PTPRK: variants seen among roughly 807,000 people sequenced by gnomAD.
PTPRK encodes the protein receptor-type tyrosine-protein phosphatase kappa.
In PTPRK, 75 loss-of-function variants were observed where a neutral mutation model predicts 178.0. That is an observed-to-expected ratio of 0.42 (90% CI 0.35 to 0.51). The LOEUF is 0.51. PTPRK is among the 20% of genes least tolerant of loss of function. PTPRK has a pLI of 0.02. For synonymous variants in PTPRK, 637 were observed against 620.6 expected (o/e 1.03, Z -0.39); for missense variants, 1,441 against 1,797.8 (o/e 0.80, Z 3.59).
At chr6:128,520,220 A>G (rs1363020812) in intron 1 of PTPRK, 39 bp downstream of exon 1, 1 of 1,532,856 alleles carries the variant, frequency 6.5e-7, no homozygotes, top group Non-Finnish European at 8.8e-7. Context: ...TGAGCCCAGG[A>G]CTCCAGGCGT....
At chr6:128,161,975 T>C (rs1039796667) in intron 7 of PTPRK, among the ~76,000 whole-genome samples, 2 of 151,634 alleles carry the variant, frequency 1.3e-5, no homozygotes, top group Non-Finnish European at 3.0e-5. Context: ...CTGCATAATA[T>C]AATCTAATAT....
At chr6:128,502,779 G>A (rs1855746757) in intron 1 of PTPRK, among the ~76,000 whole-genome samples, 1 of 152,106 alleles carries the variant, frequency 6.6e-6, no homozygotes, top group Non-Finnish European at 1.5e-5. Context: ...ATATTTGCAG[G>A]ATATTTACTT....
At chr6:128,122,469 T>C (rs2114404849) in intron 7 of PTPRK, among the ~76,000 whole-genome samples, 1 of 152,266 alleles carries the variant, frequency 6.6e-6, no homozygotes, top group South Asian at 2.1e-4. Flanking sequence ...CTGATAAAAC[T>C]TCTTACCAAG....
chr6:128,501,349 T>C (rs1236578084), intron 1 of PTPRK, among the ~76,000 whole-genome samples: 2 of 151,908 alleles, frequency 1.3e-5, no homozygotes, highest in Non-Finnish European at 2.9e-5. Context: ...CATAAGTCAC[T>C]TGGGGACTGT....
In PTPRK at chr6:127,994,074, A is replaced by C. The variant is rs1776884392; in HGVS notation, c.2845-1365T>G. 1.3e-5 allele frequency among the ~76,000 whole-genome samples: 2 copies of C among 151,760 alleles called. 1 individual carries two copies. Among genetic ancestry groups the C allele is most frequent in the South Asian group, 4.1e-4 (2 of 4,838 alleles). ...TTAGTTTTACATAATGATGTTTGAT[A>C]AATTTATATAATGAATAAGAGTAAG... On this transcript the variant is annotated intron_variant, in intron 18 of 29. Coordinates refer to ENST00000368226, the MANE Select transcript of PTPRK (RefSeq NM_002844.4).
Position 128,360,931 on chromosome 6 carries a change from TAC to T in PTPRK, c.223+36633_223+36634del, listed in dbSNP as rs1179762609. Among the ~76,000 whole-genome samples the T allele has an allele frequency of 1.1e-3, 175 of 152,198 alleles. 2 individuals are homozygous for T. Among genetic ancestry groups the T allele is most frequent in the Non-Finnish European group, 1.2e-3 (83 of 67,966 alleles). ...AATAACCTGTGTCATAATTCAGAAA[TAC>T]TGAATTTTTTGAAATACTGAAAATG... On this transcript the variant is annotated intron_variant, in intron 2 of 29. Coordinates refer to ENST00000368226, the MANE Select transcript of PTPRK (RefSeq NM_002844.4).
chr6:128,393,532 G>T (rs1274894805), intron 2 of PTPRK, among the ~76,000 whole-genome samples: 1 of 152,150 alleles, frequency 6.6e-6, no homozygotes, highest in African/African-American at 2.4e-5. Context: ...AAGCCAGTCA[G>T]GAAAATCTTC....
intron 3 of PTPRK, among the ~76,000 whole-genome samples, chr6:128,301,084 A>G (rs1186948647): frequency 2.0e-5 from 3 of 152,184 alleles, no homozygotes; most frequent in Non-Finnish European, 4.4e-5. Context: ...CATTTTAAGT[A>G]CTGAAAATAG....
At chr6:128,296,631 A>G (rs1277485271) in intron 3 of PTPRK, among the ~76,000 whole-genome samples, 17 of 152,170 alleles carry the variant, frequency 1.1e-4, no homozygotes, top group Non-Finnish European at 2.4e-4. Context: ...ACTAAGCTTC[A>G]TAAGTGAAGG....
intron 3 of PTPRK, among the ~76,000 whole-genome samples, chr6:128,256,517 T>G (rs1817341744): frequency 1.3e-5 from 2 of 151,526 alleles, no homozygotes; most frequent in Non-Finnish European, 1.5e-5. Context: ...CTTGGCTCAC[T>G]GCAACCTCCA....
At chr6:128,228,636 G>T (rs1406832848) in intron 5 of PTPRK, among the ~76,000 whole-genome samples, 2 of 148,674 alleles carry the variant, frequency 1.3e-5, no homozygotes, top group African/African-American at 5.0e-5. Context: ...CTCCAGCTGG[G>T]GTGACAGAGT....
At chr6:128,080,696 A>T (rs1292806734) in intron 10 of PTPRK, among the ~76,000 whole-genome samples, 1 of 151,968 alleles carries the variant, frequency 6.6e-6, no homozygotes, top group East Asian at 1.9e-4. Flanking sequence ...CTGTTATTTA[A>T]ATTATTTTTT....
intron 1 of PTPRK, among the ~76,000 whole-genome samples, chr6:128,510,585 G>T (rs1467836981): frequency 6.6e-6 from 1 of 152,058 alleles, no homozygotes; most frequent in African/African-American, 2.4e-5. Flanking sequence ...TTTACCCTTT[G>T]CTTTCTATTA....
At chr6:128,495,783 C>T (rs1435201430) in intron 1 of PTPRK, among the ~76,000 whole-genome samples, 1 of 152,124 alleles carries the variant, frequency 6.6e-6, no homozygotes, top group Non-Finnish European at 1.5e-5. Context: ...CTGGCTTTTA[C>T]CTGAAGCTTT....
intron 3 of PTPRK, among the ~76,000 whole-genome samples, chr6:128,274,859 C>T (rs892718590): frequency 6.6e-6 from 1 of 151,740 alleles, no homozygotes; most frequent in Non-Finnish European, 1.5e-5. Context: ...CCTCAGCTAA[C>T]CAAAAAAACA....
chr6:128,200,891 A>G (rs1432938303), intron 6 of PTPRK, among the ~76,000 whole-genome samples: 2 of 43,960 alleles, frequency 4.5e-5, no homozygotes, highest in Non-Finnish European at 7.6e-5. Flanking sequence ...AAGGGAGGGA[A>G]GGAGGGAGGG....
At chr6:128,482,327 G>A (rs770579882) in intron 1 of PTPRK, among the ~76,000 whole-genome samples, 3 of 152,118 alleles carry the variant, frequency 2.0e-5, no homozygotes, top group Non-Finnish European at 4.4e-5. Flanking sequence ...ATATTGCACT[G>A]TAATATATTT....
chr6:128,268,479 G>A (rs1819294287), intron 3 of PTPRK, among the ~76,000 whole-genome samples: 1 of 151,978 alleles, frequency 6.6e-6, no homozygotes, highest in South Asian at 2.1e-4. Context: ...TATTAGAAAT[G>A]CTTATGATTT....
intron 1 of PTPRK, among the ~76,000 whole-genome samples, chr6:128,424,615 C>T (rs1843888047): frequency 6.6e-6 from 1 of 152,132 alleles, no homozygotes; most frequent in African/African-American, 2.4e-5. Flanking sequence ...ATCAGCATCT[C>T]CTTCGGCCCA....
Sources: allele counts gnomAD v4.1 joint callset (sites outside exome capture counted in the v4.1 genomes callset), GRCh38; gene constraint gnomAD v4.1.1; transcripts MANE v1.5; gene names NCBI Gene and HGNC (gene_info 2026-07-23, HGNC 2026-07-21).